Variants in CYSLTR1 observed in about 807,000 individuals in gnomAD.
The protein encoded by CYSLTR1 is G-protein coupled receptor HG55.
Under a neutral mutation model 2.1 loss-of-function variants are expected in CYSLTR1, and 1 was observed. The ratio of observed to expected loss-of-function variants is 0.48; its 90% CI spans 0.17 to 2.28. The LOEUF (loss-of-function observed/expected upper bound fraction) is 2.28. Ranked by LOEUF, CYSLTR1 falls within the 30% of genes most tolerant of loss-of-function variation. The pLI is 0.26. For synonymous variants in CYSLTR1, 110 were observed against 89.6 expected, an observed-to-expected ratio of 1.23 and a Z score of -1.28; for missense variants, 299 against 250.1, an observed-to-expected ratio of 1.20 and a Z score of -1.32.
chrX:78,306,442 G>T (rs1200619478), intron 1 of CYSLTR1, among the ~76,000 whole-genome samples: 4 of 111,229 alleles, frequency 3.6e-5, no homozygotes, highest in Admixed American at 1.9e-4. Flanking sequence ...GGGATTACAC[G>T]CACGAGCCAC....
chrX:78,320,333 GC>G (rs1222243868), intron 1 of CYSLTR1: 1 of 111,847 alleles, frequency 8.9e-6, no homozygotes, highest in African/African-American at 3.3e-5. Flanking sequence ...CATATGGCTA[GC>G]CAGTTTTCCC....
chrX:78,289,444 A>C (rs1200533963), intron 1 of CYSLTR1, among the ~76,000 whole-genome samples: 2 of 112,112 alleles, frequency 1.8e-5, no homozygotes, highest in Non-Finnish European at 3.8e-5. Flanking sequence ...GTGTCTTTAT[A>C]GTAGAATGAT....
At chrX:78,306,154 T>C (rs189167442) in intron 1 of CYSLTR1, among the ~76,000 whole-genome samples, 28 of 111,891 alleles carry the variant, frequency 2.5e-4, no homozygotes, top group Middle Eastern at 9.2e-3. Flanking sequence ...CTAGAACTTA[T>C]GGTCGTTGAG....
At chrX:78,274,490 A>G (rs1014457577) in intron 2 of CYSLTR1, among the ~76,000 whole-genome samples, 1 of 112,062 alleles carries the variant, frequency 8.9e-6, no homozygotes, top group Non-Finnish European at 1.9e-5. Context: ...AGGATTCCCT[A>G]TTTAATAAAT....
chrX:78,285,835 C>T (rs891540205), intron 1 of CYSLTR1, among the ~76,000 whole-genome samples: 1 of 111,747 alleles, frequency 8.9e-6, no homozygotes, highest in Non-Finnish European at 1.9e-5. Flanking sequence ...CTTTTCAGTT[C>T]CTTGAGGACT....
rs1358569103 is a variant in CYSLTR1, at chrX:78,276,319, G to A, written c.-27-2546C>T. 1.1e-4 allele frequency among the ~76,000 whole-genome samples: 12 copies of A among 111,577 alleles called. No individual in the cohort carries two copies. In the Admixed American group the frequency reaches 1.1e-3, roughly 11 times the overall value. ...TCTTTTATTCTTTACAAAGGTTGAA[G>A]GGACTCAGTATGTAACATATCAGAT... On this transcript the variant is annotated intron_variant, in intron 2 of 2. Transcript: ENST00000373304.
chrX:78,280,549 G>T (rs1475495290), intron 2 of CYSLTR1, among the ~76,000 whole-genome samples: 1 of 108,295 alleles, frequency 9.2e-6, no homozygotes, highest in Non-Finnish European at 1.9e-5. Context: ...GAATGCTTAA[G>T]ATCTACTTTC....
At chrX:78,295,499 C>G in intron 1 of CYSLTR1, among the ~76,000 whole-genome samples, 1 of 109,638 alleles carries the variant, frequency 9.1e-6, no homozygotes. Context: ...TACTAATTTA[C>G]ATTCTTATCA....
chrX:78,273,090 T>A lies in CYSLTR1; in HGVS notation c.657A>T (p.Lys219Asn), dbSNP rs746755262. Residue 219 changes from lysine (K) to asparagine (N), a missense_variant, in exon 3 of 3, where the codon AAA becomes AAT. Physicochemically the swap from Lys to Asn is moderately conservative, Grantham distance 94. Coordinates refer to ENST00000373304, the MANE Select transcript of CYSLTR1 (RefSeq NM_006639.4). ...GACTTGACAGATTTTTTTTCATTGATTTTTTTAGTAAGGTCAAAATGATCA... is the reference window on the plus strand; with the variant it reads ...GACTTGACAGATTTTTTTTCATTGAATTTTTTAGTAAGGTCAAAATGATCA... Reference protein sequence around the residue: ...YTMIILTLLKKSMKKNLSSHK... With the variant: ...YTMIILTLLKNSMKKNLSSHK... 2.5e-6 allele frequency: 3 copies of A among 1,209,292 alleles called. No individual in the cohort carries two copies. The South Asian group carries it at 5.3e-5, about 21-fold the overall frequency.
At chrX:78,301,018 C>T (rs1420030604) in intron 1 of CYSLTR1, among the ~76,000 whole-genome samples, 13 of 112,639 alleles carry the variant, frequency 1.2e-4, no homozygotes, top group Non-Finnish European at 5.6e-5. Context: ...CCTGTGAAGC[C>T]ACAGCCTAAG....
chrX:78,283,692 T>A (rs1472231083), intron 1 of CYSLTR1, among the ~76,000 whole-genome samples, 152 bp from the exon 2 acceptor site: 1 of 111,999 alleles, frequency 8.9e-6, no homozygotes, highest in African/African-American at 3.2e-5. Context: ...GAATTCTGTG[T>A]CTCCTTCTTT....
chrX:78,321,869 T>C (rs963709184), intron 1 of CYSLTR1, among the ~76,000 whole-genome samples: 2 of 111,326 alleles, frequency 1.8e-5, no homozygotes, highest in African/African-American at 3.3e-5. Context: ...ATTAAATCAG[T>C]ATCTGGATGT....
chrX:78,282,123 G>T, intron 2 of CYSLTR1, among the ~76,000 whole-genome samples: 1 of 111,393 alleles, frequency 9.0e-6, no homozygotes, highest in Middle Eastern at 4.2e-3. Flanking sequence ...TTTTCTTCTT[G>T]AAATGGCCTT....
chrX:78,283,528 G>A lies in CYSLTR1; in HGVS notation c.-102C>T, dbSNP rs1921927043. On this transcript the variant is annotated 5_prime_UTR_variant, in exon 2 of 3. Coordinates refer to ENST00000373304, the MANE Select transcript of CYSLTR1 (RefSeq NM_006639.4). Reference sequence around the variant, plus strand: ...CAATGCCTTTTACGGTGTAATATTAGAGGAAGCCCACGCTGAAATCATAAG... The same window carrying A: ...CAATGCCTTTTACGGTGTAATATTAAAGGAAGCCCACGCTGAAATCATAAG... 1 of 111,998 alleles carries A rather than the reference G, an allele frequency of 8.9e-6. No individual in the cohort carries two copies. Among genetic ancestry groups the A allele is most frequent in the Non-Finnish European group, 1.9e-5 (1 of 53,226 alleles). 9.2% of individuals were successfully genotyped at this position (111,998 alleles called of 1,213,427 possible).
chrX:78,311,108 G>A (rs942603847), intron 1 of CYSLTR1, among the ~76,000 whole-genome samples: 14 of 110,851 alleles, frequency 1.3e-4, no homozygotes, highest in African/African-American at 4.3e-4. Context: ...AAATATAGAG[G>A]TTGCCCATCC....
At chrX:78,321,136 CGT>C (rs56157358) in intron 1 of CYSLTR1, 41,661 of 91,418 alleles carry the variant, frequency 0.46, 9,468 homozygotes, top group Non-Finnish European at 0.61. Context: ...GGAAGGAGCA[CGT>C]GTGTGTGTGT....
intron 1 of CYSLTR1, among the ~76,000 whole-genome samples, chrX:78,316,739 G>T (rs1262695236): frequency 1.8e-5 from 2 of 111,921 alleles, no homozygotes; most frequent in Admixed American, 1.9e-4. Context: ...ACTGGGAAAG[G>T]ACATCCTATT....
intron 2 of CYSLTR1, among the ~76,000 whole-genome samples, chrX:78,276,226 G>A (rs971414735): frequency 8.9e-6 from 1 of 112,070 alleles, no homozygotes; most frequent in African/African-American, 3.2e-5. Flanking sequence ...GTTCTGATCA[G>A]AGAAGGCTTG....
intron 2 of CYSLTR1, among the ~76,000 whole-genome samples, chrX:78,276,275 A>G (rs979564130): frequency 8.9e-6 from 1 of 111,951 alleles, no homozygotes; most frequent in Non-Finnish European, 1.9e-5. Flanking sequence ...GATTTCTCTC[A>G]TATTTCTCTA....
Sources: gnomAD v4.1 joint callset for allele counts (sites outside exome capture counted in the v4.1 genomes callset) on GRCh38, gnomAD v4.1.1 for gene constraint, MANE v1.5 for transcripts, NCBI Gene and HGNC (gene_info 2026-07-23, HGNC 2026-07-21) for gene names.